Variants in NAALADL2 observed in about 807,000 individuals in gnomAD.
NAALADL2 encodes N-acetylated alpha-linked acidic dipeptidase like 2, also known as inactive N-acetylated-alpha-linked acidic dipeptidase-like protein 2.
Under a neutral mutation model 87.2 loss-of-function variants are expected in NAALADL2, and 76 were observed. That is an observed-to-expected ratio of 0.87 (90% CI 0.72 to 1.05). The LOEUF is 1.05. Ranked by LOEUF, NAALADL2 falls within the 50% of genes least tolerant of loss-of-function variation. The pLI, the probability that NAALADL2 is intolerant of heterozygous loss-of-function variation, is 0.00. For synonymous variants in NAALADL2, 354 were observed against 331.0 expected (o/e 1.07, Z -0.75); for missense variants, 1,089 against 945.8 (o/e 1.15, Z -1.99).
chr3:174,480,588 G>C (rs1234748593), intron 1 of NAALADL2, among the ~76,000 whole-genome samples: 1 of 151,908 alleles, frequency 6.6e-6, no homozygotes, highest in African/African-American at 2.4e-5. Flanking sequence ...TGTCATCTCT[G>C]ATGGTTTCTC....
chr3:175,579,246 T>G (rs1303042792), intron 10 of NAALADL2, among the ~76,000 whole-genome samples: 1 of 152,000 alleles, frequency 6.6e-6, no homozygotes. Flanking sequence ...GTGAGATTGA[T>G]CATGGATCTA....
At chr3:175,355,052 G>GTT (rs1370979379) in intron 5 of NAALADL2, among the ~76,000 whole-genome samples, 2 of 141,326 alleles carry the variant, frequency 1.4e-5, no homozygotes, top group African/African-American at 5.0e-5. Flanking sequence ...GTGTGTGTGT[G>GTT]TGTGTGTATA....
At chr3:175,499,731 T>C (rs1729287659) in intron 9 of NAALADL2, among the ~76,000 whole-genome samples, 1 of 152,110 alleles carries the variant, frequency 6.6e-6, no homozygotes, top group Admixed American at 6.6e-5. Context: ...TCATCAGTTA[T>C]TGCACAAATT....
chr3:174,859,342 A>G lies in NAALADL2; in HGVS notation c.-66A>G. ...TACTACAGTAGAAAGTCAGAAGGTC[A>G]CAAAGCTTGCAGGGTAAGTGACACA... is the stretch of plus-strand genomic sequence containing the variant. On this transcript the variant is annotated 5_prime_UTR_variant, in exon 1 of 14. Transcript: ENST00000454872. 8.1e-7 allele frequency: 1 copy of G among 1,231,854 alleles called. No homozygotes were observed. The highest frequency in any genetic ancestry group is 1.2e-6 in the Non-Finnish European group (1 of 848,700). The allele number at this position is 1,231,854 out of a possible 1,614,324, so 76.3% of individuals were successfully genotyped here.
intron 2 of NAALADL2, among the ~76,000 whole-genome samples, chr3:175,119,120 CA>C (rs1725739552): frequency 1.3e-5 from 2 of 150,582 alleles, no homozygotes; most frequent in East Asian, 3.9e-4. Context: ...AATATTGAGG[CA>C]CAAGAAATTT....
At chr3:175,174,010 T>A (rs986151970) in intron 2 of NAALADL2, among the ~76,000 whole-genome samples, 1 of 152,146 alleles carries the variant, frequency 6.6e-6, no homozygotes, top group Non-Finnish European at 1.5e-5. Flanking sequence ...TAATTGTAAT[T>A]TTATATGGGA....
chr3:175,794,935 G>T lies in NAALADL2; in HGVS notation c.2190-8070G>T, dbSNP rs1044566628. ...CAAGATCAGGGTGCCAGCCTGGCCC[G>T]GTTCTGGAGCGGGTACTCTGGCTGG... is the stretch of plus-strand genomic sequence containing the variant. On this transcript the variant is annotated intron_variant, in intron 13 of 13. Coordinates refer to ENST00000454872, the MANE Select transcript of NAALADL2 (RefSeq NM_207015.3). 2.8e-4 allele frequency among the ~76,000 whole-genome samples: 43 copies of T among 152,158 alleles called. 1 individual carries two copies. The highest frequency in any genetic ancestry group is 2.0e-3 in the Admixed American group (31 of 15,274).
chr3:174,636,345 A>G (rs1011664255), intron 2 of NAALADL2, among the ~76,000 whole-genome samples: 2 of 152,186 alleles, frequency 1.3e-5, no homozygotes, highest in African/African-American at 4.8e-5. Flanking sequence ...AAATGAGACT[A>G]TATTAAACTA....
chr3:175,101,810 A>C (rs1722251450), intron 2 of NAALADL2, among the ~76,000 whole-genome samples: 1 of 97,022 alleles, frequency 1.0e-5, no homozygotes, highest in Non-Finnish European at 2.8e-5. Context: ...ATGGTGAGAC[A>C]AAAAGGAGAA....
intron 2 of NAALADL2, among the ~76,000 whole-genome samples, chr3:175,157,442 G>T (rs914556905): frequency 1.3e-5 from 2 of 152,050 alleles, no homozygotes; most frequent in African/African-American, 4.8e-5. Flanking sequence ...AACAGATACA[G>T]TATTTGTAAA....
At chr3:174,612,901 T>C (rs1720071653) in intron 2 of NAALADL2, among the ~76,000 whole-genome samples, 1 of 152,172 alleles carries the variant, frequency 6.6e-6, no homozygotes, top group South Asian at 2.1e-4. Context: ...TATTGTAGTC[T>C]TCATAGTCTG....
At chr3:175,592,306 T>A (rs1721607689) in intron 10 of NAALADL2, among the ~76,000 whole-genome samples, 1 of 16,440 alleles carries the variant, frequency 6.1e-5, no homozygotes, top group Admixed American at 1.2e-3. Flanking sequence ...CTTTTTCTTT[T>A]CTTTTTTTTT....
chr3:175,422,184 A>G (rs1447036463), intron 5 of NAALADL2, among the ~76,000 whole-genome samples: 1 of 152,140 alleles, frequency 6.6e-6, no homozygotes, highest in Non-Finnish European at 1.5e-5. Context: ...TGAGTATGCC[A>G]GCAAAATAGG....
chr3:175,498,244 A>G (rs1305851881), intron 9 of NAALADL2, among the ~76,000 whole-genome samples: 1 of 152,130 alleles, frequency 6.6e-6, no homozygotes, highest in Non-Finnish European at 1.5e-5. Flanking sequence ...GACCTTAAAA[A>G]GAAGGTAGTG....
intron 1 of NAALADL2, among the ~76,000 whole-genome samples, chr3:174,905,306 C>A (rs977247312): frequency 2.0e-5 from 3 of 151,854 alleles, no homozygotes; most frequent in South Asian, 4.1e-4. Flanking sequence ...AGCAATCAAT[C>A]ATATATTGCT....
chr3:175,471,247 A>G (rs1724821742), intron 8 of NAALADL2, among the ~76,000 whole-genome samples: 2 of 151,960 alleles, frequency 1.3e-5, no homozygotes, highest in Admixed American at 1.3e-4. Flanking sequence ...GCACTTTGGG[A>G]GGCTGAGGCT....
chr3:175,149,181 A>T (rs1356037394), intron 2 of NAALADL2, among the ~76,000 whole-genome samples: 1 of 152,094 alleles, frequency 6.6e-6, no homozygotes, highest in Non-Finnish European at 1.5e-5. Context: ...TTGGTTAGAT[A>T]GTTTTATTTT....
chr3:174,737,155 C>G (rs1733303149), intron 2 of NAALADL2, among the ~76,000 whole-genome samples: 1 of 152,214 alleles, frequency 6.6e-6, no homozygotes, highest in Admixed American at 6.5e-5. Flanking sequence ...TAGCCAGTGT[C>G]ATGGCAGCAA....
chr3:174,804,063 A>G (rs1719170032), intron 3 of NAALADL2, among the ~76,000 whole-genome samples: 1 of 152,250 alleles, frequency 6.6e-6, no homozygotes, highest in East Asian at 1.9e-4. Context: ...CTGGAGTGGT[A>G]TGGCCATTTT....
Sources: allele counts gnomAD v4.1 joint callset (sites outside exome capture counted in the v4.1 genomes callset), GRCh38; gene constraint gnomAD v4.1.1; transcripts MANE v1.5; gene names NCBI Gene and HGNC (gene_info 2026-07-23, HGNC 2026-07-21).